PCDH15: variants seen among roughly 807,000 people sequenced by gnomAD.
PCDH15 encodes the protein protocadherin related 15.
Under a neutral mutation model 178.5 loss-of-function variants are expected in PCDH15, and 129 were observed. The observed-to-expected ratio is 0.72, with a 90% CI of 0.63 to 0.84. The LOEUF is 0.84. PCDH15 is among the 40% of genes least tolerant of loss of function. PCDH15 has a pLI of 0.00. For synonymous variants in PCDH15, 800 were observed against 732.0 expected (o/e 1.09, Z -1.50); for missense variants, 2,230 against 2,099.9 (o/e 1.06, Z -1.21).
At chr10:54,483,485 C>T (rs1263485984) in intron 3 of PCDH15, among the ~76,000 whole-genome samples, 1 of 151,806 alleles carries the variant, frequency 6.6e-6, no homozygotes, top group Non-Finnish European at 1.5e-5. Context: ...ATAATGTCAG[C>T]TCCTAATACT....
intron 2 of PCDH15, among the ~76,000 whole-genome samples, chr10:55,380,011 T>C (rs1837494398): frequency 1.3e-5 from 2 of 151,054 alleles, no homozygotes; most frequent in Admixed American, 6.6e-5. Context: ...TAACTTAGAG[T>C]CAAAGAGAAG....
intron 2 of PCDH15, among the ~76,000 whole-genome samples, chr10:55,561,728 G>A (rs993607268): frequency 2.0e-5 from 3 of 151,918 alleles, no homozygotes; most frequent in African/African-American, 7.2e-5. Context: ...AAAGAGGAGA[G>A]CAGCCTGTTT....
At chr10:55,351,117 T>C (rs1437935088) in intron 2 of PCDH15, among the ~76,000 whole-genome samples, 1 of 146,052 alleles carries the variant, frequency 6.8e-6, no homozygotes, top group African/African-American at 2.5e-5. Flanking sequence ...TCTTCTGCCA[T>C]GTGTTAGACA....
At chr10:55,134,840 C>T (rs963594613) in intron 2 of PCDH15, among the ~76,000 whole-genome samples, 1 of 152,140 alleles carries the variant, frequency 6.6e-6, no homozygotes, top group Non-Finnish European at 1.5e-5. Flanking sequence ...TAAAGTATAA[C>T]TTTTGTTGAC....
chr10:54,605,827 T>C (rs933292914), intron 2 of PCDH15: 9 of 152,108 alleles, frequency 5.9e-5, no homozygotes, highest in South Asian at 2.1e-4. Context: ...ATGGGCCTAA[T>C]GGATGCTGAT....
At chr10:55,107,484 C>CTTTTTTTTT (rs11290952) in intron 2 of PCDH15, among the ~76,000 whole-genome samples, 2 of 86,206 alleles carry the variant, frequency 2.3e-5, no homozygotes, top group African/African-American at 5.5e-5. Flanking sequence ...ATTCTCTTTC[C>CTTTTTTTTT]TTTTTTTTTT....
Position 55,433,051 on chromosome 10 carries a change from CAAAACA to C in PCDH15, c.-156+194568_-156+194573del, listed in dbSNP as rs1431561313. Among the ~76,000 whole-genome samples, 25 of 10,970 alleles carry C rather than the reference CAAAACA, an allele frequency of 2.3e-3. No homozygotes were observed. The African/African-American group carries it at 0.067, about 29-fold the overall frequency. The allele number at this position is 10,970 out of a possible 152,430, so 7.2% of individuals were successfully genotyped here. A position where few individuals can be genotyped will look rare whatever the true frequency, so the allele number is the denominator to read the frequency against. Reference sequence around the variant, plus strand: ...AAAAACAAAACAAAACAAAACAAAACAAAACAAAAACAGAAGTAGCATTCGACCCAG... The same window carrying C: ...AAAAACAAAACAAAACAAAACAAAACAAAACAGAAGTAGCATTCGACCCAG... On this transcript the variant is annotated intron_variant, in intron 2 of 5. Transcript: ENST00000613346.
At chr10:54,146,895 C>CATATATAGATAGTGTATATATATAGTGT (rs2043964655) in intron 14 of PCDH15, among the ~76,000 whole-genome samples, 9 of 43,656 alleles carry the variant, frequency 2.1e-4, no homozygotes, top group Admixed American at 9.8e-4. Context: ...TGTGTGTATA[C>CATATATAGATAGTGTATATATATAGTGT]ATATATATAT....
intron 3 of PCDH15, among the ~76,000 whole-genome samples, chr10:54,867,683 C>T (rs745437127): frequency 6.6e-6 from 1 of 151,964 alleles, no homozygotes; most frequent in Non-Finnish European, 1.5e-5. Context: ...TTATATATTA[C>T]AATATTGCAA....
At chr10:55,341,838 G>T (rs1844607505) in intron 2 of PCDH15, among the ~76,000 whole-genome samples, 1 of 96,110 alleles carries the variant, frequency 1.0e-5, no homozygotes, top group African/African-American at 3.8e-5. Context: ...TTTTAGTAGA[G>T]ATGGGGTTTC....
intron 1 of PCDH15, among the ~76,000 whole-genome samples, chr10:55,185,776 C>A (rs922310474): frequency 6.6e-6 from 1 of 151,306 alleles, no homozygotes; most frequent in African/African-American, 2.4e-5. Context: ...CAATCACAAA[C>A]GAAGGTAATA....
intron 1 of PCDH15, among the ~76,000 whole-genome samples, chr10:55,236,131 A>G (rs1328531637): frequency 2.0e-5 from 3 of 151,954 alleles, no homozygotes; most frequent in Non-Finnish European, 4.4e-5. Context: ...ATAATATTCA[A>G]TAACATGCAG....
At chr10:55,495,086 T>C (rs1840501988) in intron 2 of PCDH15, among the ~76,000 whole-genome samples, 1 of 151,736 alleles carries the variant, frequency 6.6e-6, no homozygotes, top group Admixed American at 6.6e-5. Flanking sequence ...TATCAAACCA[T>C]ACATAAAAGT....
chr10:55,509,133 C>T (rs907375821), intron 2 of PCDH15, among the ~76,000 whole-genome samples: 8 of 151,704 alleles, frequency 5.3e-5, no homozygotes, highest in African/African-American at 1.9e-4. Flanking sequence ...TCCAACCAAT[C>T]TGTCGAGGTA....
chr10:55,151,081 T>G (rs1838697858), intron 2 of PCDH15, among the ~76,000 whole-genome samples: 1 of 152,074 alleles, frequency 6.6e-6, no homozygotes, highest in Non-Finnish European at 1.5e-5. Flanking sequence ...CAGATTCCAT[T>G]GTGCCTTTCG....
intron 1 of PCDH15, among the ~76,000 whole-genome samples, chr10:54,723,188 A>G (rs956878520): frequency 6.6e-6 from 1 of 151,606 alleles, no homozygotes; most frequent in Non-Finnish European, 1.5e-5. Flanking sequence ...GCATGCTACT[A>G]GTACAAAAAT....
At chr10:55,565,208 C>T (rs796622637) in intron 2 of PCDH15, among the ~76,000 whole-genome samples, 1 of 151,348 alleles carries the variant, frequency 6.6e-6, no homozygotes, top group African/African-American at 2.4e-5. Context: ...GTGGAAAAAT[C>T]AAAAAATATG....
chr10:55,006,220 T>C (rs1839925358), intron 2 of PCDH15, among the ~76,000 whole-genome samples: 1 of 152,132 alleles, frequency 6.6e-6, no homozygotes, highest in African/African-American at 2.4e-5. Context: ...ACTGAAACTT[T>C]ATATCCTTTG....
chr10:54,991,060 G>A (rs1204131106), intron 2 of PCDH15, among the ~76,000 whole-genome samples: 4 of 152,020 alleles, frequency 2.6e-5, no homozygotes, highest in African/African-American at 9.7e-5. Flanking sequence ...TTGCTTTGAA[G>A]TCCCAATTTA....
Sources: gnomAD v4.1 joint callset for allele counts (sites outside exome capture counted in the v4.1 genomes callset) on GRCh38, gnomAD v4.1.1 for gene constraint, MANE v1.5 for transcripts, NCBI Gene and HGNC (gene_info 2026-07-23, HGNC 2026-07-21) for gene names.